RARS2: variants seen among roughly 807,000 people sequenced by gnomAD.
RARS2 encodes the protein arginyl-tRNA synthetase 2, mitochondrial, also known as probable arginine--tRNA ligase, mitochondrial.
In RARS2, 67 loss-of-function variants were observed where a neutral mutation model predicts 88.5. That is an observed-to-expected ratio of 0.76 (90% CI 0.62 to 0.93). The LOEUF is 0.93. Among genes scored for constraint, RARS2 ranks in the 40% least tolerant of loss-of-function variants. RARS2 has a pLI of 0.00. For synonymous variants in RARS2, 239 were observed against 230.3 expected (o/e 1.04, Z -0.34); for missense variants, 664 against 684.2 (o/e 0.97, Z 0.33).
At chr6:87,520,649 T>A (rs1386478480) in intron 12 of RARS2, among the ~76,000 whole-genome samples, 2 of 152,196 alleles carry the variant, frequency 1.3e-5, no homozygotes, top group African/African-American at 4.8e-5. Flanking sequence ...GAAAAGATAC[T>A]AGAATACCAC....
chr6:87,521,417 A>G, intron 12 of RARS2, 47 bp downstream of exon 12: 1 of 1,391,666 alleles, frequency 7.2e-7, no homozygotes, highest in Admixed American at 1.7e-5. Context: ...CTACCTCTGT[A>G]GTTTTCATGA....
intron 1 of RARS2, among the ~76,000 whole-genome samples, chr6:87,585,732 AAAAT>A (rs59852322): frequency 7.3e-5 from 11 of 151,088 alleles, no homozygotes; most frequent in African/African-American, 2.4e-4. Context: ...ACTCCATCTC[AAAAT>A]AAATAAATAA....
chr6:87,558,480 G>A (rs1256268389), intron 4 of RARS2, among the ~76,000 whole-genome samples: 1 of 152,096 alleles, frequency 6.6e-6, no homozygotes, highest in Non-Finnish European at 1.5e-5. Context: ...CCTGGTTTAG[G>A]CCCTCATCTG....
intron 1 of RARS2, among the ~76,000 whole-genome samples, chr6:87,587,102 C>T (rs983366814): frequency 1.3e-5 from 2 of 151,994 alleles, no homozygotes; most frequent in Non-Finnish European, 2.9e-5. Flanking sequence ...CCAGGCTGGT[C>T]TTGAACTCTT....
chr6:87,534,192 T>C (rs1778447073), intron 8 of RARS2, among the ~76,000 whole-genome samples: 1 of 152,186 alleles, frequency 6.6e-6, no homozygotes, highest in African/African-American at 2.4e-5. Flanking sequence ...ATAATTAAAA[T>C]TGAATGTATC....
At chr6:87,565,240 A>G (rs1767511542) in intron 2 of RARS2, among the ~76,000 whole-genome samples, 1 of 151,990 alleles carries the variant, frequency 6.6e-6, no homozygotes. Context: ...TCTAATTCAA[A>G]CCTCTCCACT....
At chr6:87,578,795 C>T (rs1772409903) in intron 1 of RARS2, among the ~76,000 whole-genome samples, 2 of 151,848 alleles carry the variant, frequency 1.3e-5, no homozygotes, top group African/African-American at 4.8e-5. Flanking sequence ...CCTGTCTCTG[C>T]TAAAAACACA....
At chr6:87,576,051 C>T (rs907291117) in intron 1 of RARS2, among the ~76,000 whole-genome samples, 4 of 149,464 alleles carry the variant, frequency 2.7e-5, no homozygotes, top group Non-Finnish European at 5.9e-5. Context: ...CCACCCGCCT[C>T]GGCCTCCCAA....
chr6:87,552,763 A>T (rs1784761405), intron 5 of RARS2, among the ~76,000 whole-genome samples: 1 of 152,222 alleles, frequency 6.6e-6, no homozygotes, highest in Non-Finnish European at 1.5e-5. Flanking sequence ...GCTGAAAAAA[A>T]AAATGCAAAA....
intron 1 of RARS2, among the ~76,000 whole-genome samples, chr6:87,587,182 G>A (rs1274364004): frequency 5.3e-5 from 8 of 152,062 alleles, no homozygotes; most frequent in Admixed American, 5.2e-4. Context: ...ACCATACCCA[G>A]CTCCTAATCT....
rs531449426 is a variant in RARS2, at chr6:87,589,985, T to C, written c.-28A>G. On this transcript the variant is annotated 5_prime_UTR_variant, in exon 1 of 20. Transcript: ENST00000369536. ...CCACCTCTACGGAAGTGCGCCGCAGTCCGCCAGTTCCGGCCTCGCCCCACC... is the reference window on the plus strand; with the variant it reads ...CCACCTCTACGGAAGTGCGCCGCAGCCCGCCAGTTCCGGCCTCGCCCCACC... 3 of 1,613,986 alleles carry C rather than the reference T, an allele frequency of 1.9e-6. No homozygotes were observed. Among genetic ancestry groups the C allele is most frequent in the African/African-American group, 1.3e-5 (1 of 74,950 alleles).
chr6:87,572,275 T>G (rs1234336695), intron 1 of RARS2, among the ~76,000 whole-genome samples: 1 of 152,198 alleles, frequency 6.6e-6, no homozygotes, highest in Non-Finnish European at 1.5e-5. Context: ...ATATGTCATA[T>G]AATAAACATG....
At chr6:87,519,184 A>ATGTGTGTGTGTGTGTGTG (rs374177464) in intron 14 of RARS2, 41 of 225,008 alleles carry the variant, frequency 1.8e-4, no homozygotes, top group African/African-American at 6.8e-4. Flanking sequence ...ATAAATATAT[A>ATGTGTGTGTGTGTGTGTG]TGTGTGTGTG....
intron 2 of RARS2, among the ~76,000 whole-genome samples, chr6:87,566,718 T>G (rs1394901617): frequency 6.6e-6 from 1 of 151,770 alleles, no homozygotes; most frequent in Non-Finnish European, 1.5e-5. Context: ...TGGTGGCCCA[T>G]GCTTCTGGTC....
intron 10 of RARS2, among the ~76,000 whole-genome samples, chr6:87,527,299 C>A (rs142888250): frequency 5.3e-5 from 8 of 151,888 alleles, no homozygotes; most frequent in Non-Finnish European, 2.9e-5. Context: ...TACAGTGAGA[C>A]CCCGTCTCAA....
intron 8 of RARS2, among the ~76,000 whole-genome samples, chr6:87,535,851 T>A (rs567261707): frequency 6.6e-6 from 1 of 150,788 alleles, no homozygotes; most frequent in Non-Finnish European, 1.5e-5. Context: ...TAATTATTTG[T>A]ATTTTTTTTT....
intron 1 of RARS2, among the ~76,000 whole-genome samples, chr6:87,578,623 T>C (rs1030642114): frequency 3.9e-5 from 6 of 152,058 alleles, no homozygotes; most frequent in African/African-American, 9.7e-5. Context: ...GGGAGAGGTA[T>C]TCAAAATACC....
chr6:87,531,422 C>T (rs1777490714), intron 8 of RARS2, among the ~76,000 whole-genome samples: 1 of 152,126 alleles, frequency 6.6e-6, no homozygotes, highest in African/African-American at 2.4e-5. Flanking sequence ...TAGGATGGCT[C>T]GATCTGGCAA....
chr6:87,579,715 GTTTTTTTTTTT>G (rs35014020), intron 1 of RARS2, among the ~76,000 whole-genome samples: 8 of 60,458 alleles, frequency 1.3e-4, no homozygotes, highest in East Asian at 1.1e-3. Context: ...CATAGAGCAT[GTTTTTTTTTTT>G]TTTTTTTTTT....
Sources: gnomAD v4.1 joint callset for allele counts (sites outside exome capture counted in the v4.1 genomes callset) on GRCh38, gnomAD v4.1.1 for gene constraint, MANE v1.5 for transcripts, NCBI Gene and HGNC (gene_info 2026-07-23, HGNC 2026-07-21) for gene names.